Variants in SHANK2 observed in about 807,000 individuals in gnomAD.
SHANK2 encodes the protein SH3 and multiple ankyrin repeat domains 2, also known as SH3 and multiple ankyrin repeat domains protein 2.
In SHANK2, 43 loss-of-function variants were observed where a neutral mutation model predicts 133.7. The ratio of observed to expected loss-of-function variants is 0.32; its 90% CI spans 0.25 to 0.41. The LOEUF (loss-of-function observed/expected upper bound fraction) is 0.41. Among genes scored for constraint, SHANK2 ranks in the 10% least tolerant of loss-of-function variants. SHANK2 has a pLI of 1.00. For synonymous variants in SHANK2, 1,017 were observed against 952.8 expected (o/e 1.07, Z -1.24); for missense variants, 1,994 against 2,235.8 (o/e 0.89, Z 2.18).
chr11:71,147,267 G>A lies in SHANK2; in HGVS notation c.60C>T (p.Ser20=), dbSNP rs781791245. ...DEMAQSFSDY[S]VGSESDSSKE... ...TGGAGCTGTCTGACTCCGACCCCACGGAGTAGTCGGAGAAGCTCTGGGCCA... is the reference window on the plus strand; with the variant it reads ...TGGAGCTGTCTGACTCCGACCCCACAGAGTAGTCGGAGAAGCTCTGGGCCA... Residue 20 remains serine, a synonymous_variant, in exon 3 of 26, where the codon TCC becomes TCT. Transcript: ENST00000601538. 1.0e-4 allele frequency: 156 copies of A among 1,551,006 alleles called. No individual in the cohort carries two copies. The highest frequency in any genetic ancestry group is 5.5e-5 in the African/African-American group (4 of 73,180).
At chr11:70,617,454 G>A (rs782560534) in intron 17 of SHANK2, among the ~76,000 whole-genome samples, 3 of 151,448 alleles carry the variant, frequency 2.0e-5, no homozygotes, top group East Asian at 1.9e-4. Context: ...AGAAAGAAAC[G>A]CGAGGAACGG....
In SHANK2 at chr11:71,147,327, G is replaced by A. The variant is rs782142713; in HGVS notation, c.-1C>T. On this transcript the variant is annotated 5_prime_UTR_variant, in exon 3 of 26. Coordinates refer to ENST00000601538, the MANE Select transcript of SHANK2 (RefSeq NM_012309.5). ...CGCTGGATGTTGGGCTGCGCGGCAT[G>A]GCTGCCTGTGTCTTCGAGGTGGGGA... 1.9e-6 allele frequency: 3 copies of A among 1,545,440 alleles called. No individual in the cohort carries two copies. The highest frequency in any genetic ancestry group is 1.8e-6 in the Non-Finnish European group (2 of 1,142,806).
intron 14 of SHANK2, among the ~76,000 whole-genome samples, chr11:70,704,027 G>A (rs575196163): frequency 4.6e-5 from 7 of 152,342 alleles, no homozygotes; most frequent in Admixed American, 3.3e-4. Flanking sequence ...GGACAATGCC[G>A]CCCTACTCCT....
At chr11:71,190,375 C>T (rs1555115166) in intron 2 of SHANK2, among the ~76,000 whole-genome samples, 1 of 152,186 alleles carries the variant, frequency 6.6e-6, no homozygotes, top group African/African-American at 2.4e-5. Flanking sequence ...GTGCTAAGTA[C>T]TTAGCAAGGG....
At chr11:70,786,894 C>T (rs974396581) in intron 14 of SHANK2, among the ~76,000 whole-genome samples, 9 of 152,126 alleles carry the variant, frequency 5.9e-5, no homozygotes, top group African/African-American at 1.9e-4. Context: ...CTACCACCAT[C>T]AATCACCATG....
At position 70,866,198 on chromosome 11, in the gene SHANK2, T is replaced by C. The variant is rs78793836; in HGVS notation, c.1174+30303A>G. ...CAGTCTACACCCTCCTGGTGAGACT[T>C]AGGCTCCATCCAGACAGCACCACCG... On this transcript the variant is annotated intron_variant, in intron 11 of 25. Transcript: ENST00000601538. Among the ~76,000 whole-genome samples the C allele has an allele frequency of 7.2e-3, 1,094 of 152,202 alleles. 15 individuals carry two copies. The highest frequency in any genetic ancestry group is 0.025 in the African/African-American group (1,045 of 41,536).
At chr11:70,915,122 T>G (rs1950251849) in intron 10 of SHANK2, among the ~76,000 whole-genome samples, 1 of 152,162 alleles carries the variant, frequency 6.6e-6, no homozygotes, top group Non-Finnish European at 1.5e-5. Context: ...AGATGATTTC[T>G]GGGTACTGCT....
rs1240286118 is a variant in SHANK2 at position 70,807,298 on chromosome 11, T to A, written c.1494-127A>T. ...CGGCTGGCCGCATCAGAACTCCTGATGCCAGACAGGAAGATGGGAACAGGC... is the reference window on the plus strand; with the variant it reads ...CGGCTGGCCGCATCAGAACTCCTGAAGCCAGACAGGAAGATGGGAACAGGC... On this transcript the variant is annotated intron_variant, in intron 12 of 25. Transcript: ENST00000601538. This position sits in a 1 kb window ranked among gnomAD's most constrained non-coding sequence, Gnocchi z 4.8. 1.7e-5 allele frequency: 11 copies of A among 650,516 alleles called. No homozygotes were observed. The highest frequency in any genetic ancestry group is 3.0e-5 in the Non-Finnish European group (11 of 364,306). The allele number at this position is 650,516 out of a possible 1,614,324, so 40.3% of individuals were successfully genotyped here.
intron 10 of SHANK2, among the ~76,000 whole-genome samples, chr11:70,918,330 G>A (rs1322165498): frequency 6.6e-6 from 1 of 152,178 alleles, no homozygotes; most frequent in African/African-American, 2.4e-5. Flanking sequence ...TCCACGGAGA[G>A]AGGCCGATTG....
intron 17 of SHANK2, among the ~76,000 whole-genome samples, chr11:70,554,875 A>C (rs1591573831): frequency 2.2e-5 from 3 of 136,474 alleles, no homozygotes; most frequent in Non-Finnish European, 1.6e-5. Context: ...GGCACACCTC[A>C]CTTCATTGCA....
intron 1 of SHANK2, among the ~76,000 whole-genome samples, chr11:71,244,438 G>A (rs966355382): frequency 1.3e-5 from 2 of 151,984 alleles, no homozygotes; most frequent in Admixed American, 6.5e-5. Flanking sequence ...CGGATCACAC[G>A]CTCCTCCCAG....
At chr11:70,745,638 T>A (rs1307409714) in intron 14 of SHANK2, among the ~76,000 whole-genome samples, 3 of 152,000 alleles carry the variant, frequency 2.0e-5, no homozygotes, top group Admixed American at 1.3e-4. Flanking sequence ...GGAACGTGGG[T>A]CTCGTGTAGA....
chr11:70,894,351 C>T (rs1196785372), intron 11 of SHANK2, among the ~76,000 whole-genome samples: 1 of 152,120 alleles, frequency 6.6e-6, no homozygotes, highest in African/African-American at 2.4e-5. Context: ...CCACACCCAG[C>T]TAATTTTTGT....
At chr11:71,216,017 C>T (rs10792551) in intron 2 of SHANK2, among the ~76,000 whole-genome samples, 28 of 148,056 alleles carry the variant, frequency 1.9e-4, no homozygotes, top group Admixed American at 1.6e-3. Flanking sequence ...CCTCATCCGA[C>T]GCTGGAGAGG....
chr11:71,104,147 C>T (rs928941430), intron 6 of SHANK2, among the ~76,000 whole-genome samples: 6 of 152,250 alleles, frequency 3.9e-5, no homozygotes, highest in African/African-American at 7.2e-5. Flanking sequence ...AGCACCACAA[C>T]GCTCACCTAA....
chr11:70,702,950 G>A (rs1352933064), intron 14 of SHANK2, among the ~76,000 whole-genome samples: 1 of 152,254 alleles, frequency 6.6e-6, no homozygotes, highest in African/African-American at 2.4e-5. Flanking sequence ...ATACATGTAA[G>A]GCACTAGAAT....
intron 14 of SHANK2, among the ~76,000 whole-genome samples, chr11:70,768,562 G>A (rs1947176270): frequency 6.6e-6 from 1 of 152,206 alleles, no homozygotes; most frequent in Non-Finnish European, 1.5e-5. Flanking sequence ...GGGCCGGAAG[G>A]AGGGGCCATC....
At chr11:70,534,392 C>T (rs1482648397) in intron 17 of SHANK2, among the ~76,000 whole-genome samples, 11 of 152,208 alleles carry the variant, frequency 7.2e-5, no homozygotes, top group Admixed American at 2.6e-4. Flanking sequence ...ACTTCCCACT[C>T]GTTCCCTCCC....
At chr11:71,112,994 G>A (rs1250967099) in intron 5 of SHANK2, among the ~76,000 whole-genome samples, 4 of 152,252 alleles carry the variant, frequency 2.6e-5, no homozygotes, top group Non-Finnish European at 2.9e-5. Context: ...CACGCCAGGC[G>A]TCCAGATCCC....
Sources: allele counts gnomAD v4.1 joint callset (sites outside exome capture counted in the v4.1 genomes callset), GRCh38; gene constraint gnomAD v4.1.1; non-coding constraint Gnocchi (gnomAD v3.1); transcripts MANE v1.5; gene names NCBI Gene and HGNC (gene_info 2026-07-23, HGNC 2026-07-21).